CREB5: variants seen among roughly 807,000 people sequenced by gnomAD.
CREB5 encodes the protein cAMP responsive element binding protein 5.
CREB5 carries 19 observed loss-of-function variants against 57.1 expected under a neutral mutation model. The observed-to-expected ratio is 0.33, with a 90% CI of 0.23 to 0.49. The LOEUF is 0.49. Ranked by LOEUF, CREB5 falls within the 20% of genes least tolerant of loss-of-function variation. The pLI, the probability that CREB5 is intolerant of heterozygous loss-of-function variation, is 0.99. For missense variants in CREB5, 579 were observed against 671.6 expected, an observed-to-expected ratio of 0.86 and a Z score of 1.52; for synonymous variants, 238 against 238.3, an observed-to-expected ratio of 1.00 and a Z score of 0.01.
chr7:28,804,113 A>C, intron 7 of CREB5, 86 bp from the exon 8 acceptor site: 1 of 1,273,668 alleles, frequency 7.9e-7, no homozygotes, highest in Non-Finnish European at 1.1e-6. Context: ...ATAGAATTGA[A>C]AATGTGAGTC....
intron 4 of CREB5, among the ~76,000 whole-genome samples, chr7:28,543,246 G>A (rs1794277373): frequency 6.6e-6 from 1 of 152,136 alleles, no homozygotes; most frequent in Non-Finnish European, 1.5e-5. Flanking sequence ...GAAAAGTAAA[G>A]TTTCCTTTCC....
intron 5 of CREB5, among the ~76,000 whole-genome samples, chr7:28,571,966 C>A (rs1229861220): frequency 6.6e-6 from 1 of 152,140 alleles, no homozygotes; most frequent in East Asian, 1.9e-4. Context: ...AATTTTCAGT[C>A]AAATATTGGA....
chr7:28,520,980 T>C (rs185711911), intron 4 of CREB5, among the ~76,000 whole-genome samples: 2 of 152,366 alleles, frequency 1.3e-5, no homozygotes, highest in African/African-American at 4.8e-5. Context: ...AGGGTTTTTT[T>C]CTCCTGTGCT....
chr7:28,501,577 G>C (rs538399307), intron 3 of CREB5, among the ~76,000 whole-genome samples: 1 of 152,310 alleles, frequency 6.6e-6, no homozygotes, highest in Non-Finnish European at 1.5e-5. Flanking sequence ...GAGTATAGGA[G>C]AACTCAGGCA....
intron 10 of CREB5, 87 bp downstream of exon 10, chr7:28,818,266 T>C: frequency 3.4e-6 from 3 of 895,414 alleles, no homozygotes; most frequent in Non-Finnish European, 5.4e-6. Context: ...AGAGCAAAAG[T>C]AAAGTGTAGA....
At chr7:28,741,635 C>A (rs914271662) in intron 7 of CREB5, among the ~76,000 whole-genome samples, 1 of 152,182 alleles carries the variant, frequency 6.6e-6, no homozygotes, top group African/African-American at 2.4e-5. Flanking sequence ...CATGACTGTT[C>A]TGCACCATTA....
chr7:28,719,100 G>A (rs531945751), intron 6 of CREB5, among the ~76,000 whole-genome samples: 22 of 152,264 alleles, frequency 1.4e-4, no homozygotes, highest in Admixed American at 1.3e-3. Context: ...TATGAGATAT[G>A]GTCCATGGTG....
chr7:28,533,242 C>T lies in CREB5; in HGVS notation c.291+25505C>T, dbSNP rs1352983149. Among the ~76,000 whole-genome samples the T allele has an allele frequency of 5.3e-5, 8 of 152,206 alleles. No homozygotes were observed. In the South Asian group the frequency reaches 8.3e-4, roughly 16 times the overall value. On this transcript the variant is annotated intron_variant, in intron 4 of 10. Transcript: ENST00000357727. ...AAGAAAGAGCCAGCCTTTAAGGAAA[C>T]GGGAAGTCAAAGCTTGTGTAACGAA... is the stretch of plus-strand genomic sequence containing the variant.
intron 1 of CREB5, among the ~76,000 whole-genome samples, chr7:28,402,824 GC>G (rs1383808585): frequency 1.3e-5 from 2 of 152,192 alleles, no homozygotes; most frequent in Middle Eastern, 3.2e-3. Context: ...ATTGACAAAT[GC>G]GATCTAATTA....
At chr7:28,677,252 G>T (rs934781896) in intron 5 of CREB5, among the ~76,000 whole-genome samples, 1 of 152,164 alleles carries the variant, frequency 6.6e-6, no homozygotes, top group Non-Finnish European at 1.5e-5. Context: ...ACGTAGAAGT[G>T]TGGACTATGG....
intron 1 of CREB5, among the ~76,000 whole-genome samples, chr7:28,435,026 T>A (rs1342318148): frequency 6.6e-6 from 1 of 152,100 alleles, no homozygotes; most frequent in Non-Finnish European, 1.5e-5. Flanking sequence ...AGGGACTATG[T>A]GTTGTAATTC....
intron 1 of CREB5, among the ~76,000 whole-genome samples, chr7:28,430,081 A>T (rs1409867261): frequency 6.6e-6 from 1 of 152,248 alleles, no homozygotes; most frequent in Non-Finnish European, 1.5e-5. Flanking sequence ...GTCTTTAAAA[A>T]AGCTGGAGTA....
chr7:28,402,951 T>C (rs1787503454), intron 1 of CREB5, among the ~76,000 whole-genome samples: 1 of 152,218 alleles, frequency 6.6e-6, no homozygotes. Flanking sequence ...ATTTCAAAGT[T>C]GATACGCACC....
chr7:28,431,564 C>G (rs1788715336), intron 1 of CREB5, among the ~76,000 whole-genome samples: 1 of 152,028 alleles, frequency 6.6e-6, no homozygotes, highest in Admixed American at 6.6e-5. Flanking sequence ...TTGAAAGGTA[C>G]CTTTCAAATA....
intron 5 of CREB5, among the ~76,000 whole-genome samples, chr7:28,653,014 G>A (rs1057388751): frequency 2.0e-5 from 3 of 152,212 alleles, no homozygotes; most frequent in African/African-American, 2.4e-5. Context: ...CCACAGACAT[G>A]AGTGAAATTA....
intron 6 of CREB5, among the ~76,000 whole-genome samples, chr7:28,723,037 A>G (rs1406595387): frequency 6.6e-6 from 1 of 152,008 alleles, no homozygotes; most frequent in Non-Finnish European, 1.5e-5. Flanking sequence ...TCAGTCCTCC[A>G]CTCTTTGAAC....
At chr7:28,596,569 A>G (rs1029580539) in intron 5 of CREB5, among the ~76,000 whole-genome samples, 1 of 152,220 alleles carries the variant, frequency 6.6e-6, no homozygotes, top group Non-Finnish European at 1.5e-5. Context: ...AAATGAAACA[A>G]GTTCCTTTTG....
At chr7:28,607,391 A>G (rs1797178710) in intron 5 of CREB5, among the ~76,000 whole-genome samples, 1 of 152,042 alleles carries the variant, frequency 6.6e-6, no homozygotes, top group Non-Finnish European at 1.5e-5. Context: ...GTTTGCATAC[A>G]CTCACTGGGG....
intron 4 of CREB5, among the ~76,000 whole-genome samples, chr7:28,552,042 C>CCTCTCTT (rs200290676): frequency 5.5e-5 from 8 of 144,756 alleles, no homozygotes; most frequent in African/African-American, 1.9e-4. Context: ...TTTTCTCTCT[C>CCTCTCTT]CTCTCTTCTC....
Sources: allele counts gnomAD v4.1 joint callset (sites outside exome capture counted in the v4.1 genomes callset), GRCh38; gene constraint gnomAD v4.1.1; transcripts MANE v1.5; gene names NCBI Gene and HGNC (gene_info 2026-07-23, HGNC 2026-07-21).